Variants in RFX8 observed in about 807,000 individuals in gnomAD.
RFX8 encodes DNA-binding protein RFX8.
Under a neutral mutation model 54.6 loss-of-function variants are expected in RFX8, and 46 were observed. That is an observed-to-expected ratio of 0.84 (90% CI 0.67 to 1.08). The LOEUF is 1.08. RFX8 is among the 50% of genes least tolerant of loss of function. The pLI is 0.00. For synonymous variants in RFX8, 192 were observed against 209.5 expected (o/e 0.92, Z 0.72); for missense variants, 536 against 562.3 (o/e 0.95, Z 0.47).
intron 2 of RFX8, among the ~76,000 whole-genome samples, chr2:101,458,560 G>A (rs896955068): frequency 1.3e-5 from 2 of 152,166 alleles, no homozygotes; most frequent in African/African-American, 2.4e-5. Flanking sequence ...TGGCTTGTAG[G>A]GTTTCTCCCG....
chr2:101,431,992 G>A (rs1022137935), intron 2 of RFX8, among the ~76,000 whole-genome samples: 3 of 152,120 alleles, frequency 2.0e-5, no homozygotes, highest in Non-Finnish European at 2.9e-5. Flanking sequence ...GAGACTTTAT[G>A]TATTAACCTA....
Position 101,413,015 on chromosome 2 carries a change from T to C in RFX8, c.618A>G (p.Leu206=). Residue 206 remains leucine, a synonymous_variant, in exon 8 of 12, where the codon CTA becomes CTG. Coordinates refer to ENST00000428343, the MANE Select transcript of RFX8 (RefSeq NM_001145664.2). Reference sequence around the variant, plus strand: ...AAGTGCCTTGATTGATGATGGCCTGTAGATCTGACTTCAAAACGCTGACAC... The same window carrying C: ...AAGTGCCTTGATTGATGATGGCCTGCAGATCTGACTTCAAAACGCTGACAC... The part of the protein sequence containing the change: ...KRRVSVLKSD[L]QAIINQGTLA... 6.4e-7 allele frequency: 1 copy of C among 1,552,156 alleles called. No individual in the cohort carries two copies. The highest frequency in any genetic ancestry group is 8.7e-7 in the Non-Finnish European group (1 of 1,147,038).
chr2:101,469,752 C>G (rs1689873773), intron 1 of RFX8, among the ~76,000 whole-genome samples: 1 of 152,060 alleles, frequency 6.6e-6, no homozygotes, highest in Admixed American at 6.5e-5. Context: ...GCTGTCCTCC[C>G]AATTTCAAAA....
At position 101,429,004 on chromosome 2, in the gene RFX8, G is replaced by A. The variant is rs745434876; in HGVS notation, c.73-6532C>T. 4 of 1,531,980 alleles carry A rather than the reference G, an allele frequency of 2.6e-6. No individual in the cohort carries two copies. In the South Asian group the frequency reaches 4.8e-5, roughly 18 times the overall value. The allele number at this position is 1,531,980 out of a possible 1,614,324, so 94.9% of individuals were successfully genotyped here. Reference sequence around the variant, plus strand: ...TGTTATAATTAGTAGATTTTTCAAAGGCAATGGCATCTCCACTGTGAAGGA... The same window carrying A: ...TGTTATAATTAGTAGATTTTTCAAAAGCAATGGCATCTCCACTGTGAAGGA... On this transcript the variant is annotated intron_variant, in intron 2 of 11. Transcript: ENST00000428343.
intron 2 of RFX8, among the ~76,000 whole-genome samples, chr2:101,429,838 C>T (rs1259894037): frequency 6.6e-6 from 1 of 152,168 alleles, no homozygotes; most frequent in African/African-American, 2.4e-5. Flanking sequence ...AATTGTCATC[C>T]AGGTAAGGAG....
At chr2:101,426,546 T>G (rs540767510) in intron 2 of RFX8, among the ~76,000 whole-genome samples, 20 of 152,148 alleles carry the variant, frequency 1.3e-4, no homozygotes, top group Admixed American at 7.9e-4. Context: ...AAATAAATAC[T>G]GCATAATGAC....
chr2:101,469,086 ATATATAAGTATATATATATAAGTG>A (rs1558896811), intron 1 of RFX8, among the ~76,000 whole-genome samples: 5 of 49,172 alleles, frequency 1.0e-4, no homozygotes, highest in African/African-American at 6.9e-4. Flanking sequence ...ATAAGTGTAT[ATATATAAGTATATATATATAAGTG>A]TATATATATA....
In RFX8 at chr2:101,421,741, G is replaced by C; in HGVS notation, c.220C>G (p.Arg74Gly). The C allele has an allele frequency of 6.5e-7, 1 of 1,549,722 alleles. No individual in the cohort carries two copies. Among genetic ancestry groups the C allele is most frequent in the South Asian group, 1.2e-5 (1 of 83,448 alleles). The change falls in exon 4 of 12, where the codon CGA (arginine) becomes GGA (glycine). Residue 74 changes from arginine to glycine, a missense_variant. Physicochemically the swap from Arg to Gly is moderately radical, Grantham distance 125. Transcript: ENST00000428343. ...FLADEYCNYC[R>G]DILRNVEDLL... The stretch of plus-strand genomic sequence containing the variant: ...TTCCTCACATTTCGTAAAATGTCTC[G>C]ACAATAGTTGCAGTATTCGTCAGCA...
chr2:101,468,977 A>AGTATATATATATAAGTATATATATAT (rs1558895900), intron 1 of RFX8, among the ~76,000 whole-genome samples: 13 of 135,188 alleles, frequency 9.6e-5, no homozygotes, highest in African/African-American at 3.1e-4. Flanking sequence ...TATATATGTA[A>AGTATATATATATAAGTATATATATAT]GTATATATAT....
intron 4 of RFX8, among the ~76,000 whole-genome samples, chr2:101,420,700 T>A (rs886356011): frequency 1.3e-4 from 20 of 152,218 alleles, no homozygotes; most frequent in Admixed American, 4.6e-4. Context: ...CCATTTTCTG[T>A]CTATTGCACC....
chr2:101,465,977 A>G (rs1689553654), intron 2 of RFX8, among the ~76,000 whole-genome samples: 1 of 152,256 alleles, frequency 6.6e-6, no homozygotes, highest in Non-Finnish European at 1.5e-5. Context: ...AGCAGCCTCC[A>G]TATTAGAAGA....
intron 2 of RFX8, among the ~76,000 whole-genome samples, chr2:101,463,613 A>G (rs11674398): frequency 0.34 from 52,423 of 151,974 alleles, 9,683 homozygotes; most frequent in African/African-American, 0.44. Flanking sequence ...GCACGTGACC[A>G]CTGAAAAGGG....
intron 2 of RFX8, among the ~76,000 whole-genome samples, chr2:101,444,795 C>A (rs761083048): frequency 2.6e-5 from 4 of 152,182 alleles, no homozygotes; most frequent in Non-Finnish European, 5.9e-5. Flanking sequence ...AAGTACAGAT[C>A]AATATGCTTA....
intron 11 of RFX8, among the ~76,000 whole-genome samples, chr2:101,399,046 T>C (rs888442571): frequency 6.6e-6 from 1 of 152,240 alleles, no homozygotes; most frequent in Admixed American, 6.5e-5. Context: ...AATATCAGTA[T>C]AGTTTTTCAC....
At chr2:101,447,024 G>A (rs1688423789) in intron 2 of RFX8, among the ~76,000 whole-genome samples, 1 of 152,192 alleles carries the variant, frequency 6.6e-6, no homozygotes, top group Admixed American at 6.5e-5. Context: ...GATGTAAGAG[G>A]AAGAGCTGGT....
At chr2:101,439,965 C>T (rs962367360) in intron 2 of RFX8, among the ~76,000 whole-genome samples, 1 of 152,148 alleles carries the variant, frequency 6.6e-6, no homozygotes, top group African/African-American at 2.4e-5. Context: ...ATTGCTGTGG[C>T]TATACAGTGA....
At chr2:101,461,523 T>G (rs1055106895) in intron 2 of RFX8, among the ~76,000 whole-genome samples, 1 of 152,144 alleles carries the variant, frequency 6.6e-6, no homozygotes, top group Non-Finnish European at 1.5e-5. Context: ...AGGCTCAGAT[T>G]CTAGCCCTGA....
chr2:101,421,527 T>G (rs1686861641), intron 4 of RFX8, 197 bp downstream of exon 4: 9 of 1,292,188 alleles, frequency 7.0e-6, no homozygotes, highest in Non-Finnish European at 2.0e-6. Flanking sequence ...TCCAACTGAT[T>G]ACACTGAATA....
intron 1 of RFX8, among the ~76,000 whole-genome samples, chr2:101,471,162 C>A (rs539538456): frequency 6.6e-6 from 1 of 151,842 alleles, no homozygotes; most frequent in African/African-American, 2.4e-5. Flanking sequence ...GGCGAAACCC[C>A]GTCTCTACGA....
Sources: gnomAD v4.1 joint callset for allele counts (sites outside exome capture counted in the v4.1 genomes callset) on GRCh38, gnomAD v4.1.1 for gene constraint, MANE v1.5 for transcripts, NCBI Gene and HGNC (gene_info 2026-07-23, HGNC 2026-07-21) for gene names.